The following FARP1 variants were observed in gnomAD, a reference collection of about 807,000 sequenced individuals.
The protein encoded by FARP1 is FERM, ARH/RhoGEF and pleckstrin domain protein 1.
Under a neutral mutation model 128.8 loss-of-function variants are expected in FARP1, and 52 were observed. The observed-to-expected ratio is 0.40, with a 90% CI of 0.32 to 0.51. The LOEUF (loss-of-function observed/expected upper bound fraction) is 0.51, where lower values mean the gene tolerates loss of function less well. Ranked by LOEUF, FARP1 falls within the 20% of genes least tolerant of loss-of-function variation. The probability of loss-of-function intolerance (pLI) is 0.45; values close to 1 mark genes in which losing one functional copy is unlikely to be tolerated. For synonymous variants in FARP1, 580 were observed against 551.8 expected (o/e 1.05, Z -0.72); for missense variants, 1,333 against 1,367.9 (o/e 0.97, Z 0.40).
At chr13:98,333,436 TACACACACACACAC>T (rs60264788) in intron 2 of FARP1, among the ~76,000 whole-genome samples, 3,911 of 139,748 alleles carry the variant, frequency 0.028, 70 homozygotes, top group Middle Eastern at 0.067. Flanking sequence ...CCCCCACATG[TACACACACACACAC>T]ACACACACAC....
At chr13:98,322,036 G>A (rs1887014795) in intron 2 of FARP1, among the ~76,000 whole-genome samples, 3 of 152,358 alleles carry the variant, frequency 2.0e-5, no homozygotes, top group African/African-American at 4.8e-5. Context: ...GGTGGCTCAC[G>A]CCTTTAGTCC....
chr13:98,212,346 G>A (rs1474270768), intron 1 of FARP1, among the ~76,000 whole-genome samples: 5 of 152,248 alleles, frequency 3.3e-5, no homozygotes, highest in Admixed American at 6.5e-5. Flanking sequence ...GTGAGCCACC[G>A]TGCCTGGCTG....
chr13:98,256,928 A>T (rs1883617992), intron 2 of FARP1, among the ~76,000 whole-genome samples: 1 of 120,778 alleles, frequency 8.3e-6, no homozygotes, highest in Non-Finnish European at 1.7e-5. Flanking sequence ...AATAACAATA[A>T]TTTTCAAAGT....
chr13:98,160,598 A>T (rs1349843276), intron 1 of FARP1, among the ~76,000 whole-genome samples: 1 of 152,206 alleles, frequency 6.6e-6, no homozygotes, highest in African/African-American at 2.4e-5. Context: ...CCTGTTGTTA[A>T]CGACTACCAC....
At chr13:98,265,063 G>A (rs1312832081) in intron 2 of FARP1, among the ~76,000 whole-genome samples, 4 of 152,102 alleles carry the variant, frequency 2.6e-5, no homozygotes, top group African/African-American at 7.2e-5. Flanking sequence ...ACCCAACTAG[G>A]TGCCAGTGGT....
chr13:98,337,132 C>T lies in FARP1; in HGVS notation c.172-6630C>T, dbSNP rs553079977. Among the ~76,000 whole-genome samples, 42 of 152,144 alleles carry T rather than the reference C, an allele frequency of 2.8e-4. 1 individual carries two copies. Among genetic ancestry groups the T allele is most frequent in the African/African-American group, 9.9e-4 (41 of 41,520 alleles). Reference sequence around the variant, plus strand: ...CTATAATCCTAGCACTTTGGGAGGCCGAGGCAGGATGATCACCTGAGCTCA... The same window carrying T: ...CTATAATCCTAGCACTTTGGGAGGCTGAGGCAGGATGATCACCTGAGCTCA... On this transcript the variant is annotated intron_variant, in intron 2 of 26. Coordinates refer to ENST00000319562, the MANE Select transcript of FARP1 (RefSeq NM_005766.4).
intron 2 of FARP1, among the ~76,000 whole-genome samples, chr13:98,315,858 C>A (rs555544002): frequency 6.6e-6 from 1 of 152,298 alleles, no homozygotes; most frequent in Admixed American, 6.5e-5. Flanking sequence ...AGGTGAGTTA[C>A]AATTGTGATC....
chr13:98,405,709 C>T (rs2140103564), intron 13 of FARP1: 1 of 152,342 alleles, frequency 6.6e-6, no homozygotes, highest in South Asian at 2.1e-4. Flanking sequence ...CTTCTTTCCA[C>T]CTATTGCCTT....
At chr13:98,347,713 A>G (rs1408400529) in intron 3 of FARP1, among the ~76,000 whole-genome samples, 3 of 152,060 alleles carry the variant, frequency 2.0e-5, no homozygotes, top group Non-Finnish European at 2.9e-5. Context: ...GTGTGCCATC[A>G]CTATTATTTT....
Position 98,439,971 on chromosome 13 carries a change from G to A in FARP1, c.2444G>A (p.Ser815Asn), listed in dbSNP as rs756018009. ...LPLYGMTIEE[S>N]EDEWGVPHCL... ...TTCTCTTGCCCACAGATTGAGGAGA[G>A]CGAAGACGAGTGGGGGGTGCCCCAC... Residue 815 changes from serine to asparagine, a missense_variant, in exon 22 of 27, where the codon AGC (serine) becomes AAC (asparagine). By Grantham distance (46) the Ser-to-Asn change is conservative. This residue lies in a region of FARP1 where 1,009 missense variants were observed against 969.8 expected (regional missense o/e 1.04). Coordinates refer to ENST00000319562, the MANE Select transcript of FARP1 (RefSeq NM_005766.4). 10 of 1,580,232 alleles carry A rather than the reference G, an allele frequency of 6.3e-6. No individual in the cohort carries two copies. Among genetic ancestry groups the A allele is most frequent in the Non-Finnish European group, 7.8e-6 (9 of 1,158,740 alleles).
chr13:98,424,569 C>CA lies in FARP1; in HGVS notation c.1827-2dup, dbSNP rs1566309639. 1 of 1,608,222 alleles carries CA rather than the reference C, an allele frequency of 6.2e-7. No individual in the cohort carries two copies. The highest frequency in any genetic ancestry group is 8.5e-7 in the Non-Finnish European group (1 of 1,174,622). On this transcript the variant is annotated splice_polypyrimidine_tract_variant and splice_region_variant and intron_variant, in intron 16 of 26. Coordinates refer to ENST00000319562, the MANE Select transcript of FARP1 (RefSeq NM_005766.4). The stretch of plus-strand genomic sequence containing the variant: ...ATTTCCAACCCTTTGCTTTTGCTCT[C>CA]AGGGAAGGCCGCTCAAATGCCCAAA...
chr13:98,435,510 C>G, intron 18 of FARP1, 66 bp from the exon 19 acceptor site: 7 of 1,528,336 alleles, frequency 4.6e-6, no homozygotes, highest in Non-Finnish European at 5.3e-6. Context: ...GTTGAGCTGA[C>G]AGCTGCTAGG....
intron 15 of FARP1, among the ~76,000 whole-genome samples, 168 bp downstream of exon 15, chr13:98,410,991 G>A (rs1891168905): frequency 6.6e-6 from 1 of 152,186 alleles, no homozygotes; most frequent in South Asian, 2.1e-4. Context: ...ATTTAATTGG[G>A]AATATATGCT....
Position 98,410,761 on chromosome 13 carries a change from A to T in FARP1, c.1630A>T (p.Ile544Leu). ...KRFPTDKAYF[I>L]AKEVSTTERT... ...ATTCCCAACTGATAAAGCGTACTTCATAGCTAAGGAAGTGTCTACCACCGA... is the reference window on the plus strand; with the variant it reads ...ATTCCCAACTGATAAAGCGTACTTCTTAGCTAAGGAAGTGTCTACCACCGA... Residue 544 changes from isoleucine to leucine, a missense_variant, in exon 15 of 27, where the codon ATA becomes TTA. Coordinates refer to ENST00000319562, the MANE Select transcript of FARP1 (RefSeq NM_005766.4). The T allele has an allele frequency of 6.2e-7, 1 of 1,604,164 alleles. No homozygotes were observed. Among genetic ancestry groups the T allele is most frequent in the Non-Finnish European group, 8.5e-7 (1 of 1,173,042 alleles).
chr13:98,339,432 G>T (rs1887872724), intron 2 of FARP1, among the ~76,000 whole-genome samples: 1 of 152,138 alleles, frequency 6.6e-6, no homozygotes, highest in Non-Finnish European at 1.5e-5. Flanking sequence ...CCTCCCACCA[G>T]GTCCTTCCCC....
chr13:98,175,235 C>G (rs1877920708), intron 1 of FARP1, among the ~76,000 whole-genome samples: 1 of 152,100 alleles, frequency 6.6e-6, no homozygotes, highest in Non-Finnish European at 1.5e-5. Context: ...TGTGTCAGTT[C>G]CTTGTAAGGA....
intron 10 of FARP1, 49 bp downstream of exon 10, chr13:98,390,169 C>A: frequency 6.3e-7 from 1 of 1,581,952 alleles, no homozygotes; most frequent in South Asian, 1.1e-5. Flanking sequence ...CGTTTTTCCT[C>A]CCGCCTCTCA....
At chr13:98,211,374 G>C (rs74108698) in intron 1 of FARP1, among the ~76,000 whole-genome samples, 26 of 152,162 alleles carry the variant, frequency 1.7e-4, no homozygotes, top group African/African-American at 6.0e-4. Flanking sequence ...TAGATTGTGC[G>C]CTCCTTATGA....
intron 3 of FARP1, among the ~76,000 whole-genome samples, chr13:98,359,019 A>G (rs151129762): frequency 6.6e-6 from 1 of 152,264 alleles, no homozygotes; most frequent in African/African-American, 2.4e-5. Flanking sequence ...TTCTATGACA[A>G]ATATTTTCTT....
Sources: gnomAD v4.1 joint callset for allele counts (sites outside exome capture counted in the v4.1 genomes callset) on GRCh38, gnomAD v4.1.1 for gene constraint, gnomAD v4.1.1 regional missense constraint, MANE v1.5 for transcripts, NCBI Gene and HGNC (gene_info 2026-07-23, HGNC 2026-07-21) for gene names.